The following NRXN1 variants were observed in gnomAD, a reference collection of about 807,000 sequenced individuals.
NRXN1 encodes neurexin-1.
NRXN1 carries 39 observed loss-of-function variants against 150.9 expected under a neutral mutation model. That is an observed-to-expected ratio of 0.26 (90% CI 0.20 to 0.34). The LOEUF is 0.34. Among genes scored for constraint, NRXN1 ranks in the 10% least tolerant of loss-of-function variants. The probability of loss-of-function intolerance (pLI) is 1.00; values close to 1 mark genes in which losing one functional copy is unlikely to be tolerated. For synonymous variants in NRXN1, 924 were observed against 757.0 expected (o/e 1.22, Z -3.62); for missense variants, 1,815 against 1,949.9 (o/e 0.93, Z 1.30).
intron 19 of NRXN1, among the ~76,000 whole-genome samples, chr2:50,073,131 T>C (rs1018535748): frequency 3.3e-5 from 5 of 152,146 alleles, no homozygotes; most frequent in African/African-American, 1.2e-4. Context: ...CCACTTCCCG[T>C]GTTATAGTAA....
chr2:50,960,991 G>A (rs1693085177), intron 2 of NRXN1, among the ~76,000 whole-genome samples: 1 of 151,892 alleles, frequency 6.6e-6, no homozygotes, highest in Non-Finnish European at 1.5e-5. Context: ...ATTTTCGGGT[G>A]AGTAGTATAT....
intron 17 of NRXN1, among the ~76,000 whole-genome samples, chr2:50,271,495 T>C (rs1002379183): frequency 1.3e-5 from 2 of 152,178 alleles, no homozygotes; most frequent in East Asian, 3.9e-4. Flanking sequence ...TTCTATTCTA[T>C]TTTCTTCAGT....
At chr2:50,853,789 A>C (rs1018101990) in intron 5 of NRXN1, among the ~76,000 whole-genome samples, 2 of 152,070 alleles carry the variant, frequency 1.3e-5, no homozygotes, top group African/African-American at 4.8e-5. Context: ...TGTCACTGTT[A>C]TTTTCTTTAA....
chr2:50,861,841 C>T (rs1676181383), intron 5 of NRXN1, among the ~76,000 whole-genome samples: 1 of 151,936 alleles, frequency 6.6e-6, no homozygotes, highest in Non-Finnish European at 1.5e-5. Flanking sequence ...ATTTCTCTAG[C>T]AGTTATAAGT....
rs113929604 is a variant in NRXN1, at chr2:50,192,430, T to C, written c.3546+44359A>G. ...TGAACATCCATTCAATAAAATACTA[T>C]GTAGCAATTTATAATGATGATAAAG... On this transcript the variant is annotated intron_variant, in intron 18 of 22. Transcript: ENST00000401669. Among the ~76,000 whole-genome samples the C allele has an allele frequency of 5.2e-3, 794 of 152,286 alleles. 10 individuals carry two copies. Among genetic ancestry groups the C allele is most frequent in the African/African-American group, 0.018 (756 of 41,548 alleles).
chr2:50,979,710 C>T (rs1186337864), intron 2 of NRXN1, among the ~76,000 whole-genome samples: 6 of 152,074 alleles, frequency 3.9e-5, no homozygotes, highest in African/African-American at 1.4e-4. Flanking sequence ...TCTCACTGAA[C>T]ACACTGTACT....
At chr2:50,251,758 TG>T (rs1214317147) in intron 17 of NRXN1, among the ~76,000 whole-genome samples, 2 of 152,222 alleles carry the variant, frequency 1.3e-5, no homozygotes, top group African/African-American at 2.4e-5. Flanking sequence ...ATTGTGGTTT[TG>T]GTTCACATTT....
chr2:50,472,605 C>T lies in NRXN1; in HGVS notation c.3071-134G>A, dbSNP rs2089606636. 6 of 633,716 alleles carry T rather than the reference C, an allele frequency of 9.5e-6. No individual in the cohort carries two copies. In the South Asian group the frequency reaches 1.4e-4, roughly 15 times the overall value. The allele number at this position is 633,716 out of a possible 1,614,324, so 39.3% of individuals were successfully genotyped here. A position where few individuals can be genotyped will look rare whatever the true frequency, so the allele number is the denominator to read the frequency against. ...AAATTAATTTATGACTAGCTGTTTT[C>T]CCCAAAGTGCTAAACAATAGAGACG... On this transcript the variant is annotated intron_variant, in intron 15 of 22. Transcript: ENST00000401669.
intron 17 of NRXN1, among the ~76,000 whole-genome samples, chr2:50,367,091 G>A (rs1327727430): frequency 6.6e-6 from 1 of 151,854 alleles, no homozygotes; most frequent in African/African-American, 2.4e-5. Flanking sequence ...TATTTGCTTT[G>A]GGTTTCTCCA....
chr2:49,945,010 A>G (rs1672639585), intron 21 of NRXN1: 1 of 152,194 alleles, frequency 6.6e-6, no homozygotes, highest in African/African-American at 2.4e-5. Flanking sequence ...GAACTTTTAT[A>G]GAAAGTATTA....
intron 12 of NRXN1, among the ~76,000 whole-genome samples, chr2:50,515,919 T>C (rs1305195232): frequency 1.3e-5 from 2 of 152,132 alleles, no homozygotes; most frequent in Non-Finnish European, 2.9e-5. Context: ...GTTGTAATTA[T>C]GACACCTTCA....
chr2:49,984,497 A>G (rs953898408), intron 21 of NRXN1, among the ~76,000 whole-genome samples: 3 of 141,790 alleles, frequency 2.1e-5, no homozygotes, highest in African/African-American at 5.1e-5. Context: ...ATAAAAAACA[A>G]TATCAGAGGA....
At chr2:50,464,160 T>C (rs1053266673) in intron 17 of NRXN1, 1 of 151,768 alleles carries the variant, frequency 6.6e-6, no homozygotes, top group African/African-American at 2.4e-5. Context: ...TTGCAGAGTG[T>C]TCGCAAATGT....
At chr2:50,464,798 T>C (rs1205550406) in intron 17 of NRXN1, among the ~76,000 whole-genome samples, 1 of 151,944 alleles carries the variant, frequency 6.6e-6, no homozygotes, top group African/African-American at 2.4e-5. Context: ...ATAGATCAGT[T>C]AATTCCATCT....
chr2:50,288,444 T>G (rs2072482562), intron 17 of NRXN1, among the ~76,000 whole-genome samples: 1 of 152,074 alleles, frequency 6.6e-6, no homozygotes, highest in South Asian at 2.1e-4. Context: ...AAGGATGACT[T>G]AAAGGGAGAT....
intron 20 of NRXN1, among the ~76,000 whole-genome samples, 186 bp downstream of exon 20, chr2:50,054,768 TA>T (rs1486805182): frequency 6.6e-6 from 1 of 152,196 alleles, no homozygotes; most frequent in Non-Finnish European, 1.5e-5. Context: ...CTGGTACGTC[TA>T]AAAATGTATA....
chr2:50,720,563 G>A (rs1696512231), intron 5 of NRXN1, among the ~76,000 whole-genome samples: 1 of 152,082 alleles, frequency 6.6e-6, no homozygotes, highest in African/African-American at 2.4e-5. Flanking sequence ...CTACATCAAA[G>A]GGCTGAATTT....
intron 17 of NRXN1, among the ~76,000 whole-genome samples, chr2:50,311,861 C>A (rs190780000): frequency 6.6e-6 from 1 of 151,814 alleles, no homozygotes; most frequent in Non-Finnish European, 1.5e-5. Context: ...TGTCTGTAAA[C>A]CTAAATAAAT....
intron 18 of NRXN1, among the ~76,000 whole-genome samples, chr2:50,130,744 A>G (rs1374093310): frequency 6.6e-6 from 1 of 152,190 alleles, no homozygotes; most frequent in Non-Finnish European, 1.5e-5. Flanking sequence ...TTATATGTTA[A>G]TCAGCATTAT....
Sources: gnomAD v4.1 joint callset for allele counts (sites outside exome capture counted in the v4.1 genomes callset) on GRCh38, gnomAD v4.1.1 for gene constraint, MANE v1.5 for transcripts, NCBI Gene and HGNC (gene_info 2026-07-23, HGNC 2026-07-21) for gene names.